Variants in TTC39C observed in about 807,000 individuals in gnomAD.
The protein encoded by TTC39C is tetratricopeptide repeat protein 39C.
A neutral mutation model predicts 76.3 loss-of-function variants in TTC39C; 33 were observed. That is an observed-to-expected ratio of 0.43 (90% CI 0.33 to 0.58). The LOEUF (loss-of-function observed/expected upper bound fraction) is 0.58, where lower values mean the gene tolerates loss of function less well. TTC39C is among the 20% of genes least tolerant of loss of function. The pLI, the probability that TTC39C is intolerant of heterozygous loss-of-function variation, is 0.04. For synonymous variants in TTC39C, 254 were observed against 260.6 expected, an observed-to-expected ratio of 0.97 and a Z score of 0.24; for missense variants, 595 against 701.4, an observed-to-expected ratio of 0.85 and a Z score of 1.71.
rs2085150104 is a variant in TTC39C, at chr18:24,132,848, A to G, written c.*274A>G. 3.3e-6 allele frequency: 1 copy of G among 298,660 alleles called. No homozygotes were observed. The highest frequency in any genetic ancestry group is 2.2e-5 in the African/African-American group (1 of 46,038). The allele number at this position is 298,660 out of a possible 1,614,324, so 18.5% of individuals were successfully genotyped here. A position where few individuals can be genotyped will look rare whatever the true frequency, so the allele number is the denominator to read the frequency against. ...CTTGCTCAAACGTTTTAGTTTTGTG[A>G]TTTATTATTTTTAAAATAAAATCAA... On this transcript the variant is annotated 3_prime_UTR_variant, in exon 14 of 14. Transcript: ENST00000317571.
chr18:24,107,698 C>T (rs8090388), intron 6 of TTC39C, among the ~76,000 whole-genome samples: 6,664 of 152,244 alleles, frequency 0.044, 430 homozygotes, highest in African/African-American at 0.14. Context: ...TTCTCTTTTT[C>T]GATAAATTAT....
chr18:24,095,370 C>G (rs902467399), intron 6 of TTC39C, among the ~76,000 whole-genome samples: 1 of 152,212 alleles, frequency 6.6e-6, no homozygotes, highest in African/African-American at 2.4e-5. Flanking sequence ...TCTTATCATT[C>G]ATGTGTTCAC....
chr18:24,056,120 T>C (rs978903909), intron 1 of TTC39C, among the ~76,000 whole-genome samples: 23 of 152,302 alleles, frequency 1.5e-4, no homozygotes, highest in Middle Eastern at 3.4e-3. Flanking sequence ...TTAACTCCAG[T>C]GGCCCCCTGG....
intron 4 of TTC39C, among the ~76,000 whole-genome samples, chr18:24,074,815 G>T (rs1458985069): frequency 6.6e-6 from 1 of 152,162 alleles, no homozygotes; most frequent in African/African-American, 2.4e-5. Flanking sequence ...ATACCCAGAG[G>T]ATTATAAATC....
chr18:23,998,791 G>A (rs186795996), intron 1 of TTC39C, among the ~76,000 whole-genome samples: 6 of 151,850 alleles, frequency 4.0e-5, no homozygotes, highest in East Asian at 3.9e-4. Flanking sequence ...ACTGCAGTCT[G>A]AACTGTAAGC....
chr18:23,997,652 G>GAA (rs2083275162), intron 1 of TTC39C, among the ~76,000 whole-genome samples: 1 of 44,406 alleles, frequency 2.3e-5, no homozygotes, highest in African/African-American at 9.2e-5. Flanking sequence ...AGGAAGGAAG[G>GAA]AGAAAGAAAG....
chr18:24,109,530 A>T (rs1366002043), intron 6 of TTC39C, among the ~76,000 whole-genome samples: 1 of 152,182 alleles, frequency 6.6e-6, no homozygotes, highest in Non-Finnish European at 1.5e-5. Context: ...AATTATGGCG[A>T]TTTAAACATT....
intron 9 of TTC39C, 63 bp from the exon 10 acceptor site, chr18:24,125,364 G>C (rs2085035722): frequency 6.2e-7 from 1 of 1,603,116 alleles, no homozygotes; most frequent in Non-Finnish European, 8.5e-7. Context: ...AAGTGTCTGA[G>C]GTATATTTTT....
At chr18:24,029,282 T>C (rs9807452) in intron 1 of TTC39C, among the ~76,000 whole-genome samples, 145,345 of 152,194 alleles carry the variant, frequency 0.95, 69,644 homozygotes, top group East Asian at 1. Context: ...TTTGTATTTT[T>C]AGTAAAGACG....
intron 1 of TTC39C, chr18:24,022,567 G>A: frequency 7.1e-6 from 7 of 985,374 alleles, no homozygotes; most frequent in East Asian, 1.1e-4. Flanking sequence ...GGATTCACAT[G>A]TGTCCTGTCA....
upstream of TTC39C, chr18:24,012,866 C>CACACACACAT (rs2083404074): frequency 1.3e-5 from 2 of 152,056 alleles, no homozygotes; most frequent in Admixed American, 1.3e-4. Context: ...CACACACACA[C>CACACACACAT]ACACACACAC....
intron 4 of TTC39C, among the ~76,000 whole-genome samples, chr18:24,075,138 C>T (rs548150612): frequency 2.0e-4 from 29 of 142,438 alleles, no homozygotes; most frequent in South Asian, 9.7e-4. Context: ...CATCACACAC[C>T]GGGGCCTGTC....
chr18:24,062,583 G>T (rs2084113902), intron 1 of TTC39C, among the ~76,000 whole-genome samples: 1 of 151,974 alleles, frequency 6.6e-6, no homozygotes, highest in African/African-American at 2.4e-5. Context: ...TGTGAGCACT[G>T]GTTAGGGATT....
chr18:24,132,039 G>A (rs2085136724), intron 13 of TTC39C, 119 bp downstream of exon 13: 1 of 948,836 alleles, frequency 1.1e-6, no homozygotes, highest in African/African-American at 1.7e-5. Flanking sequence ...TTTCTGGAAA[G>A]GAAAAATGAC....
At chr18:24,113,763 C>T (rs889885818) in intron 6 of TTC39C, 6 of 691,878 alleles carry the variant, frequency 8.7e-6, no homozygotes, top group African/African-American at 1.8e-5. Context: ...CTTGTGGCAT[C>T]GTGTTGGCAG....
At chr18:24,001,832 T>TTTG (rs2083313960) in intron 1 of TTC39C, among the ~76,000 whole-genome samples, 11 of 134,354 alleles carry the variant, frequency 8.2e-5, no homozygotes, top group African/African-American at 1.7e-4. Context: ...TGTTTTTTTT[T>TTTG]TTTTTTTTTT....
rs550686825 is a variant in TTC39C at position 24,104,252 on chromosome 18, A to C, written c.985-10302A>C. ...TAGCCCCAAATCCCAAATTCTTATA[A>C]TGGTCATCAGGGCTTGCATGAACTG... On this transcript the variant is annotated intron_variant, in intron 6 of 13. Transcript: ENST00000317571. Among the ~76,000 whole-genome samples, 3 of 152,158 alleles carry C rather than the reference A, an allele frequency of 2.0e-5. No individual in the cohort carries two copies. The South Asian group carries it at 6.2e-4, about 32-fold the overall frequency.
intron 1 of TTC39C, among the ~76,000 whole-genome samples, chr18:24,008,218 C>T (rs946124577): frequency 2.0e-5 from 3 of 152,214 alleles, no homozygotes; most frequent in African/African-American, 7.2e-5. Context: ...CTACTGCATG[C>T]TCTCGAATGT....
At chr18:24,060,797 A>G (rs763547122) in intron 1 of TTC39C, among the ~76,000 whole-genome samples, 1 of 152,108 alleles carries the variant, frequency 6.6e-6, no homozygotes, top group Non-Finnish European at 1.5e-5. Flanking sequence ...GCATAACAGT[A>G]CCCATTTGTC....
Sources: allele counts gnomAD v4.1 joint callset (sites outside exome capture counted in the v4.1 genomes callset), GRCh38; gene constraint gnomAD v4.1.1; transcripts MANE v1.5; gene names NCBI Gene and HGNC (gene_info 2026-07-23, HGNC 2026-07-21).